Variants in NUMA1 observed in about 807,000 individuals in gnomAD.
NUMA1 encodes nuclear mitotic apparatus protein 1, also known as SP-H antigen.
A neutral mutation model predicts 237.1 loss-of-function variants in NUMA1; 62 were observed. The observed-to-expected ratio is 0.26, with a 90% confidence interval of 0.21 to 0.32. The LOEUF is 0.32. NUMA1 is among the 10% of genes least tolerant of loss of function. The pLI, the probability that NUMA1 is intolerant of heterozygous loss-of-function variation, is 1.00. For missense variants in NUMA1, 2,533 were observed against 2,666.5 expected (o/e 0.95, Z 1.10); for synonymous variants, 1,028 against 1,066.1 (o/e 0.96, Z 0.70).
In NUMA1 at chr11:72,008,734, TGTC is replaced by T. The variant is rs1397300826; in HGVS notation, c.5167_5169del (p.Asp1723del). The stretch of plus-strand genomic sequence containing the variant: ...CCCTCCTCGCAGCTCAGATCCAGGC[TGTC>T]AATACTCAAGTCCAGCTGGGGCTTA... On this transcript the variant is annotated inframe_deletion, in exon 20 of 27. Transcript: ENST00000393695. 1 of 1,614,024 alleles carries T rather than the reference TGTC, an allele frequency of 6.2e-7. No homozygotes were observed. The highest frequency in any genetic ancestry group is 8.5e-7 in the Non-Finnish European group (1 of 1,180,034).
intron 2 of NUMA1, among the ~76,000 whole-genome samples, chr11:72,040,234 G>A (rs993466410): frequency 6.6e-6 from 1 of 152,046 alleles, no homozygotes; most frequent in Non-Finnish European, 1.5e-5. Flanking sequence ...CTAGAGTTTG[G>A]CACAGAACCC....
rs146743068 is a variant in NUMA1 at position 72,019,602 on chromosome 11, G to A, written c.476C>T (p.Thr159Ile). ...NFLQKAPVPS[T>I]CSSTFPEELS... ...CTCTTCAGGGAATGTGCTAGAACAG[G>A]TAGAAGGCACAGGAGCTGGGGGTAA... The change falls in exon 9 of 27, where the codon ACC (threonine) becomes ATC (isoleucine). Residue 159 changes from threonine (T) to isoleucine (I), a missense_variant. Thr to Ile is a moderately conservative substitution (Grantham distance 89). Transcript: ENST00000393695. 3.7e-6 allele frequency: 6 copies of A among 1,613,600 alleles called. No individual in the cohort carries two copies. In the African/African-American group the frequency reaches 8.0e-5, roughly 22 times the overall value.
chr11:72,063,908 G>A (rs1483437819), intron 2 of NUMA1, among the ~76,000 whole-genome samples: 1 of 140,070 alleles, frequency 7.1e-6, no homozygotes, highest in Admixed American at 7.4e-5. Flanking sequence ...GGGCAACAGA[G>A]TGAGATCTTG....
chr11:72,023,200 G>T, intron 5 of NUMA1, 53 bp from the exon 6 acceptor site: 3 of 1,310,562 alleles, frequency 2.3e-6, no homozygotes, highest in South Asian at 2.4e-5. Context: ...AACCATACCT[G>T]AGATCCCAGA....
rs142002151 is a variant in NUMA1, at chr11:72,015,713, C to T, written c.1790G>A (p.Arg597Lys). 8 of 1,614,048 alleles carry T rather than the reference C, an allele frequency of 5.0e-6. No individual in the cohort carries two copies. In the African/African-American group the frequency reaches 9.3e-5, roughly 19 times the overall value. ...TAAEEREASL[R>K]ERDAALKQLE... ...CTGCTTGAGAGCCGCATCCCGCTCC[C>T]TTAAGGAGGCCTCTCGCTCCTCTGC... Residue 597 changes from arginine to lysine, a missense_variant, in exon 15 of 27, where the codon AGG (arginine) becomes AAG (lysine). By Grantham distance (26) the Arg-to-Lys change is conservative. This residue lies in a region of NUMA1 where 1,414 missense variants were observed against 1,508.1 expected (regional missense o/e 0.94). Coordinates refer to ENST00000393695, the MANE Select transcript of NUMA1 (RefSeq NM_006185.4). This position sits in a 1 kb window ranked among gnomAD's most constrained non-coding sequence, Gnocchi z 4.0.
chr11:72,025,313 G>A (rs1472540537), intron 4 of NUMA1, among the ~76,000 whole-genome samples: 1 of 152,114 alleles, frequency 6.6e-6, no homozygotes, highest in Non-Finnish European at 1.5e-5. Context: ...CCAGGAGGCT[G>A]AGGCAGGAGA....
chr11:72,063,516 G>A (rs944375355), intron 2 of NUMA1, among the ~76,000 whole-genome samples: 1 of 149,282 alleles, frequency 6.7e-6, no homozygotes, highest in Non-Finnish European at 1.5e-5. Flanking sequence ...TCTCGCCTCA[G>A]CCTCCCAAAG....
rs771295685 is a variant in NUMA1 at position 72,013,053 on chromosome 11, G to A, written c.4450C>T (p.Arg1484Cys). ...GCCAGACGGGTCTCAGCATCAGCAC[G>A]TACGGCTGCCAACTCTTGGACATAC... ...EKYVQELAAV[R>C]ADAETRLAEV... Residue 1484 changes from arginine to cysteine, a missense_variant, in exon 15 of 27, where the codon CGT becomes TGT. Transcript: ENST00000393695. The surrounding 1 kb of genome is among the most constrained non-coding windows in gnomAD (Gnocchi z 6.8). 2.0e-5 allele frequency: 32 copies of A among 1,614,050 alleles called. No homozygotes were observed. Among genetic ancestry groups the A allele is most frequent in the Non-Finnish European group, 2.2e-5 (26 of 1,180,036 alleles).
rs1955511354 is a variant in NUMA1, at chr11:72,004,255, C to T, written c.6093G>A (p.Gln2031=). The stretch of plus-strand genomic sequence containing the variant: ...TAGTAGAAGCTGGAGCTGCTTTCTT[C>T]TGGGCCTCAGTAGTGCTCTGTTTGC... The part of the protein sequence containing the change: ...EGRKQSTTEA[Q]KKAAPASTKQ... Residue 2031 remains glutamine (Q), a synonymous_variant, in exon 25 of 27, where the codon CAG becomes CAA. Transcript: ENST00000393695. 14 of 1,612,094 alleles carry T rather than the reference C, an allele frequency of 8.7e-6. No individual in the cohort carries two copies. The highest frequency in any genetic ancestry group is 1.1e-5 in the Non-Finnish European group (13 of 1,179,592).
At position 72,019,564 on chromosome 11, in the gene NUMA1, T is replaced by C. The variant is rs891880841; in HGVS notation, c.514A>G (p.Ser172Gly). Residue 172 changes from serine (S) to glycine (G), a missense_variant, in exon 9 of 27, where the codon AGC becomes GGC. Ser to Gly is a moderately conservative substitution (Grantham distance 56, BLOSUM62 0). Around this residue, in one of 3 missense-constraint regions of NUMA1, gnomAD observed 1,414 missense variants for 1,508.1 expected, o/e 0.94. Transcript: ENST00000393695. ...CGAATCTCCCTCTTGGCCTGGTGGC[T>C]AGGTGGGGAGAGCTCTTCAGGGAAT... ...STFPEELSPP[S>G]HQAKREIRFL... 20 of 1,613,882 alleles carry C rather than the reference T, an allele frequency of 1.2e-5. No individual in the cohort carries two copies. The highest frequency in any genetic ancestry group is 1.5e-5 in the Non-Finnish European group (18 of 1,179,912).
intron 2 of NUMA1, among the ~76,000 whole-genome samples, chr11:72,056,653 A>AAAAAAAAAAAAAAAAAAAAAAC (rs1942667860): frequency 1.6e-5 from 2 of 122,022 alleles, no homozygotes; most frequent in South Asian, 2.5e-4. Context: ...AAAAAAAAAA[A>AAAAAAAAAAAAAAAAAAAAAAC]AAAAAAAGGC....
chr11:72,078,281 G>C (rs1361680327), intron 1 of NUMA1, among the ~76,000 whole-genome samples: 1 of 152,214 alleles, frequency 6.6e-6, no homozygotes, highest in Non-Finnish European at 1.5e-5. Context: ...ACACCTTTTG[G>C]TATGTTTAGT....
chr11:72,027,769 T>C (rs1403712000), intron 4 of NUMA1, among the ~76,000 whole-genome samples: 2 of 152,122 alleles, frequency 1.3e-5, no homozygotes, highest in Non-Finnish European at 2.9e-5. Context: ...AACTCGTGCA[T>C]AGGAATGAAC....
chr11:72,013,762 C>G lies in NUMA1; in HGVS notation c.3741G>C (p.Glu1247Asp). The G allele has an allele frequency of 1.2e-6, 2 of 1,610,076 alleles. No homozygotes were observed. The highest frequency in any genetic ancestry group is 1.7e-6 in the Non-Finnish European group (2 of 1,180,010). ...LNRQVLEKEGESKELKRLVMA... is the reference protein window; with the variant it reads ...LNRQVLEKEGDSKELKRLVMA... ...TCACCAGCCGCTTCAACTCCTTGCT[C>G]TCCCCCTCCTTCTCCAGGACCTGGC... The change falls in exon 15 of 27, where the codon GAG (glutamate) becomes GAC (aspartate). Residue 1247 changes from glutamate (E) to aspartate (D), a missense_variant. Around this residue, in one of 3 missense-constraint regions of NUMA1, gnomAD observed 324 missense variants for 407.6 expected, o/e 0.79. Coordinates refer to ENST00000393695, the MANE Select transcript of NUMA1 (RefSeq NM_006185.4). The surrounding 1 kb of genome is among the most constrained non-coding windows in gnomAD (Gnocchi z 6.8).
chr11:72,058,899 C>T (rs1469045203), intron 2 of NUMA1, among the ~76,000 whole-genome samples: 1 of 152,178 alleles, frequency 6.6e-6, no homozygotes, highest in African/African-American at 2.4e-5. Flanking sequence ...CCTTGTCACA[C>T]TCCTAATCCT....
At chr11:72,021,101 G>A in intron 8 of NUMA1, 103 bp downstream of exon 8, 1 of 894,500 alleles carries the variant, frequency 1.1e-6, no homozygotes, top group Non-Finnish European at 1.8e-6. Flanking sequence ...ACTCTGCCTT[G>A]TGTTGGGGAC....
In NUMA1 at chr11:72,069,889, T is replaced by A. The variant is rs1943369112; in HGVS notation, c.-80A>T. The A allele has an allele frequency of 6.6e-6, 1 of 152,166 alleles. No homozygotes were observed. 9.4% of individuals were successfully genotyped at this position (152,166 alleles called of 1,614,324 possible). ...ACTAGAACAGGGTGATCTCCAGCAG[T>A]CTGGCTTAGAATTAGTTTCCACCTA... On this transcript the variant is annotated 5_prime_UTR_variant, in exon 2 of 27. Coordinates refer to ENST00000393695, the MANE Select transcript of NUMA1 (RefSeq NM_006185.4).
chr11:72,020,898 A>C (rs933834701), intron 8 of NUMA1: 4 of 233,730 alleles, frequency 1.7e-5, no homozygotes, highest in African/African-American at 9.1e-5. Flanking sequence ...AAAAATAAAA[A>C]GACTGTATTC....
At chr11:72,006,006 G>C in intron 22 of NUMA1, 29 bp downstream of exon 22, 4 of 1,528,364 alleles carry the variant, frequency 2.6e-6, no homozygotes, top group Non-Finnish European at 3.6e-6. Flanking sequence ...CTAATTTTGG[G>C]GTATAGTAAG....
Sources: allele counts gnomAD v4.1 joint callset (sites outside exome capture counted in the v4.1 genomes callset), GRCh38; gene constraint gnomAD v4.1.1; regional missense constraint gnomAD v4.1.1; non-coding constraint Gnocchi (gnomAD v3.1); transcripts MANE v1.5; gene names NCBI Gene and HGNC (gene_info 2026-07-23, HGNC 2026-07-21).